TMCO2: variants seen among roughly 807,000 people sequenced by gnomAD.
TMCO2 encodes transmembrane and coiled-coil domains 2.
TMCO2 carries 15 observed loss-of-function variants against 18.0 expected under a neutral mutation model. The ratio of observed to expected loss-of-function variants is 0.84; its 90% CI spans 0.56 to 1.29. The LOEUF (loss-of-function observed/expected upper bound fraction) is 1.29, where lower values mean the gene tolerates loss of function less well. Ranked by LOEUF, TMCO2 falls within the 50% of genes most tolerant of loss-of-function variation. The probability of loss-of-function intolerance (pLI) is 0.00; values close to 1 mark genes in which losing one functional copy is unlikely to be tolerated. For missense variants in TMCO2, 182 were observed against 200.9 expected (o/e 0.91, Z 0.57); for synonymous variants, 79 against 75.9 (o/e 1.04, Z -0.21).
chr1:40,249,585 A>AG (rs950788344), intron 1 of TMCO2, among the ~76,000 whole-genome samples: 2 of 152,086 alleles, frequency 1.3e-5, no homozygotes, highest in Non-Finnish European at 2.9e-5. Context: ...AAAAAAAAAA[A>AG]AAGTGGTGCT....
intron 1 of TMCO2, among the ~76,000 whole-genome samples, chr1:40,249,480 G>C (rs1368586571): frequency 6.6e-6 from 1 of 151,554 alleles, no homozygotes; most frequent in Non-Finnish European, 1.5e-5. Context: ...TCAGGAGGCT[G>C]AGGCAGAAGA....
chr1:40,248,236 A>G lies in TMCO2; in HGVS notation c.237+6A>G, dbSNP rs1026088060. 2.5e-6 allele frequency: 4 copies of G among 1,598,816 alleles called. No individual in the cohort carries two copies. In the African/African-American group the frequency reaches 4.0e-5, roughly 16 times the overall value. On this transcript the variant is annotated splice_donor_region_variant and intron_variant, in intron 1 of 1. Coordinates refer to ENST00000372766, the MANE Select transcript of TMCO2 (RefSeq NM_001008740.4). ...GAAGTATTCAGTCAATTCAGGTTATACTCTTTTGTTACAAACATTTATATA... is the reference window on the plus strand; with the variant it reads ...GAAGTATTCAGTCAATTCAGGTTATGCTCTTTTGTTACAAACATTTATATA...
rs1643381449 is a variant in TMCO2, at chr1:40,251,288, A to G, written c.243A>G (p.Thr81=). The part of the protein sequence containing the change: ...WKRSIQSIQK[T]LLFVITLYKL... ...CTTCTGTTGTTCCATTTTAGAAAAC[A>G]TTGTTGTTTGTAATCACACTCTACA... Residue 81 remains threonine, a synonymous_variant, in exon 2 of 2, where the codon ACA becomes ACG. Coordinates refer to ENST00000372766, the MANE Select transcript of TMCO2 (RefSeq NM_001008740.4). 6.2e-7 allele frequency: 1 copy of G among 1,608,122 alleles called. No individual in the cohort carries two copies. Among genetic ancestry groups the G allele is most frequent in the Non-Finnish European group, 8.5e-7 (1 of 1,178,444 alleles).
intron 1 of TMCO2, among the ~76,000 whole-genome samples, chr1:40,249,591 G>A (rs899292927): frequency 2.0e-5 from 3 of 151,676 alleles, no homozygotes; most frequent in Admixed American, 6.6e-5. Flanking sequence ...AAAAAAAGTG[G>A]TGCTAGTTGT....
intron 1 of TMCO2, among the ~76,000 whole-genome samples, chr1:40,250,587 T>C (rs1045599466): frequency 3.9e-5 from 6 of 152,196 alleles, no homozygotes; most frequent in African/African-American, 1.2e-4. Flanking sequence ...GAAGTGTGAA[T>C]TTCTGGATTC....
intron 1 of TMCO2, among the ~76,000 whole-genome samples, chr1:40,250,860 G>A (rs897618824): frequency 1.3e-5 from 2 of 152,176 alleles, no homozygotes; most frequent in Admixed American, 6.5e-5. Context: ...TGCTAAGGCC[G>A]GGCATGGTGG....
At chr1:40,250,332 T>TATATATAC (rs1553178365) in intron 1 of TMCO2, among the ~76,000 whole-genome samples, 1,610 of 150,070 alleles carry the variant, frequency 0.011, 30 homozygotes, top group African/African-American at 0.038. Flanking sequence ...TATATATATA[T>TATATATAC]ACATTAATTT....
intron 1 of TMCO2, among the ~76,000 whole-genome samples, chr1:40,248,626 ATG>A (rs1254842702): frequency 6.6e-6 from 1 of 152,224 alleles, no homozygotes; most frequent in Non-Finnish European, 1.5e-5. Flanking sequence ...AAGGAGGCAT[ATG>A]TATTAAGTCA....
intron 1 of TMCO2, among the ~76,000 whole-genome samples, chr1:40,250,339 A>C (rs1023646386): frequency 1.3e-5 from 2 of 149,476 alleles, no homozygotes; most frequent in Non-Finnish European, 3.0e-5. Context: ...ATATACATTA[A>C]TTTTTTTAAG....
In TMCO2 at chr1:40,251,493, C is replaced by A. The variant is rs79139067; in HGVS notation, c.448C>A (p.Gln150Lys). ...GAACCTAGAAGGGATAATCGTTGCTCAAAAACCTGCCACGAAGAGGGATTG... is the reference window on the plus strand; with the variant it reads ...GAACCTAGAAGGGATAATCGTTGCTAAAAAACCTGCCACGAAGAGGGATTG... ...MKNLEGIIVA[Q>K]KPATKRDCSS... is the part of the protein sequence containing the mutation. The change falls in exon 2 of 2, where the codon CAA becomes AAA. Residue 150 changes from glutamine (Q) to lysine (K), a missense_variant. Gln to Lys is a moderately conservative substitution (Grantham distance 53, BLOSUM62 1). Transcript: ENST00000372766. 3.6e-4 allele frequency: 589 copies of A among 1,613,842 alleles called. 4 individuals carry two copies. Among genetic ancestry groups the A allele is most frequent in the South Asian group, 2.5e-3 (223 of 91,012 alleles).
intron 1 of TMCO2, among the ~76,000 whole-genome samples, chr1:40,250,419 A>G (rs543126766): frequency 6.6e-6 from 1 of 151,924 alleles, no homozygotes; most frequent in South Asian, 2.1e-4. Flanking sequence ...ATAGCACACT[A>G]CTCCTGGGCT....
At chr1:40,249,633 A>G (rs1321122143) in intron 1 of TMCO2, among the ~76,000 whole-genome samples, 1 of 149,402 alleles carries the variant, frequency 6.7e-6, no homozygotes, top group Non-Finnish European at 1.5e-5. Flanking sequence ...TTTTTTTCTT[A>G]TCCTAGCAAG....
chr1:40,248,595 T>A (rs1184355433), intron 1 of TMCO2, among the ~76,000 whole-genome samples: 1 of 152,234 alleles, frequency 6.6e-6, no homozygotes, highest in Non-Finnish European at 1.5e-5. Context: ...TTTCTTACTA[T>A]GCCATTGTTC....
In TMCO2 at chr1:40,251,341, T is replaced by C. The variant is rs1643382051; in HGVS notation, c.296T>C (p.Phe99Ser). The C allele has an allele frequency of 1.2e-6, 2 of 1,613,856 alleles. No individual in the cohort carries two copies. The highest frequency in any genetic ancestry group is 1.7e-6 in the Non-Finnish European group (2 of 1,179,936). The part of the protein sequence containing the change: ...YKLYKKGSHI[F>S]EALLANPEGS... Reference sequence around the variant, plus strand: ...CTTTACAAGAAGGGCTCACATATTTTTGAGGCTTTGCTAGCCAACCCAGAA... The same window carrying C: ...CTTTACAAGAAGGGCTCACATATTTCTGAGGCTTTGCTAGCCAACCCAGAA... The change falls in exon 2 of 2, where the codon TTT becomes TCT. Residue 99 changes from phenylalanine to serine, a missense_variant. Phe to Ser is a radical substitution (Grantham distance 155). Coordinates refer to ENST00000372766, the MANE Select transcript of TMCO2 (RefSeq NM_001008740.4).
intron 1 of TMCO2, 63 bp from the exon 2 acceptor site, chr1:40,251,216 TTTTG>T (rs1643380981): frequency 2.9e-6 from 4 of 1,394,874 alleles, no homozygotes; most frequent in Non-Finnish European, 4.0e-6. Flanking sequence ...TAGGTTTTTG[TTTTG>T]TTTTTCTCTT....
chr1:40,250,692 T>A (rs988313265), intron 1 of TMCO2, among the ~76,000 whole-genome samples: 1 of 152,210 alleles, frequency 6.6e-6, no homozygotes, highest in Admixed American at 6.5e-5. Context: ...TTTTTCTGCA[T>A]AAATAGATCA....
In TMCO2 at chr1:40,251,329, G is replaced by C. The variant is rs1228067696; in HGVS notation, c.284G>C (p.Gly95Ala). 1 of 1,613,354 alleles carries C rather than the reference G, an allele frequency of 6.2e-7. No homozygotes were observed. Among genetic ancestry groups the C allele is most frequent in the Non-Finnish European group, 8.5e-7 (1 of 1,179,850 alleles). ...VITLYKLYKK[G>A]SHIFEALLAN... Reference sequence around the variant, plus strand: ...ACACTCTACAAACTTTACAAGAAGGGCTCACATATTTTTGAGGCTTTGCTA... The same window carrying C: ...ACACTCTACAAACTTTACAAGAAGGCCTCACATATTTTTGAGGCTTTGCTA... The change falls in exon 2 of 2, where the codon GGC becomes GCC. Residue 95 changes from glycine to alanine, a missense_variant. Physicochemically the swap from Gly to Ala is moderately conservative, Grantham distance 60 (BLOSUM62 0). Coordinates refer to ENST00000372766, the MANE Select transcript of TMCO2 (RefSeq NM_001008740.4).
At position 40,251,368 on chromosome 1, in the gene TMCO2, G is replaced by T; in HGVS notation, c.323G>T (p.Gly108Val). The change falls in exon 2 of 2, where the codon GGA becomes GTA. Residue 108 changes from glycine to valine, a missense_variant. By Grantham distance (109) the Gly-to-Val change is moderately radical (BLOSUM62 -3). Coordinates refer to ENST00000372766, the MANE Select transcript of TMCO2 (RefSeq NM_001008740.4). Reference protein sequence around the residue: ...IFEALLANPEGSGLRIQDNNN... With the variant: ...IFEALLANPEVSGLRIQDNNN... The stretch of plus-strand genomic sequence containing the variant: ...GAGGCTTTGCTAGCCAACCCAGAAG[G>T]AAGTGGTCTCCGAATTCAAGACAAT... 1 of 1,614,096 alleles carries T rather than the reference G, an allele frequency of 6.2e-7. No individual in the cohort carries two copies. The highest frequency in any genetic ancestry group is 8.5e-7 in the Non-Finnish European group (1 of 1,180,022).
intron 1 of TMCO2, among the ~76,000 whole-genome samples, chr1:40,251,081 A>G (rs6688124): frequency 1 from 149,841 of 149,844 alleles, 74,919 homozygotes; most frequent in Middle Eastern, 1. Context: ...AGCTTGTAGT[A>G]AGCTGAGATT....
Sources: gnomAD v4.1 joint callset for allele counts (sites outside exome capture counted in the v4.1 genomes callset) on GRCh38, gnomAD v4.1.1 for gene constraint, MANE v1.5 for transcripts, NCBI Gene and HGNC (gene_info 2026-07-23, HGNC 2026-07-21) for gene names.